Variants in CATSPERE observed in about 807,000 individuals in gnomAD.
CATSPERE encodes the protein catsper channel auxiliary subunit epsilon.
Under a neutral mutation model 114.1 loss-of-function variants are expected in CATSPERE, and 93 were observed. That is an observed-to-expected ratio of 0.81 (90% confidence interval 0.69 to 0.97). The LOEUF is 0.97. Ranked by LOEUF, CATSPERE falls within the 50% of genes least tolerant of loss-of-function variation. CATSPERE has a pLI of 0.00. For missense variants in CATSPERE, 1,058 were observed against 1,131.6 expected (o/e 0.93, Z 0.93); for synonymous variants, 341 against 384.1 (o/e 0.89, Z 1.31).
At chr1:244,491,399 G>C (rs1450190707) in intron 6 of CATSPERE, among the ~76,000 whole-genome samples, 1 of 151,738 alleles carries the variant, frequency 6.6e-6, no homozygotes, top group African/African-American at 2.4e-5. Flanking sequence ...AAACCAACGA[G>C]AACAAAGACA....
chr1:244,575,007 C>T lies in CATSPERE; in HGVS notation c.1950+2235C>T, dbSNP rs779928904. On this transcript the variant is annotated intron_variant, in intron 11 of 21. Coordinates refer to ENST00000366534, the MANE Select transcript of CATSPERE (RefSeq NM_001130957.2). The surrounding 1 kb of genome is among the most constrained non-coding windows in gnomAD (Gnocchi z 4.5). ...CTGATCTCTGTCTCTTTCAGTCTCT[C>T]GCTCACTTATTCTCTCCCTCTATCT... Among the ~76,000 whole-genome samples, 11 of 152,132 alleles carry T rather than the reference C, an allele frequency of 7.2e-5. No individual in the cohort carries two copies. Among genetic ancestry groups the T allele is most frequent in the Non-Finnish European group, 1.0e-4 (7 of 68,028 alleles).
chr1:244,621,061 A>AATATAT (rs1289156688), intron 20 of CATSPERE, among the ~76,000 whole-genome samples: 1 of 57,136 alleles, frequency 1.8e-5, no homozygotes, highest in South Asian at 5.0e-4. Flanking sequence ...AATATATATA[A>AATATAT]ATATATATAA....
chr1:244,591,309 A>G (rs1171214679), intron 14 of CATSPERE, among the ~76,000 whole-genome samples: 6 of 149,350 alleles, frequency 4.0e-5, no homozygotes, highest in Non-Finnish European at 7.4e-5. Flanking sequence ...CAAGAATACA[A>G]TATATCATGA....
chr1:244,489,090 A>G (rs541570053), intron 5 of CATSPERE, among the ~76,000 whole-genome samples: 9 of 152,208 alleles, frequency 5.9e-5, no homozygotes, highest in Non-Finnish European at 1.2e-4. Context: ...TTTCTAGAAA[A>G]CATACAACTA....
At chr1:244,542,927 C>A (rs1347171570) in intron 8 of CATSPERE, among the ~76,000 whole-genome samples, 1 of 152,086 alleles carries the variant, frequency 6.6e-6, no homozygotes, top group African/African-American at 2.4e-5. Flanking sequence ...CACCTCATAC[C>A]TATTAGAGTG....
intron 5 of CATSPERE, among the ~76,000 whole-genome samples, chr1:244,482,862 T>C (rs1670473841): frequency 6.6e-6 from 1 of 152,230 alleles, no homozygotes; most frequent in South Asian, 2.1e-4. Flanking sequence ...CTTTTTTCTT[T>C]TAGTTTAGCG....
intron 11 of CATSPERE, among the ~76,000 whole-genome samples, chr1:244,576,943 T>G (rs1354656605): frequency 6.6e-6 from 1 of 152,176 alleles, no homozygotes; most frequent in Non-Finnish European, 1.5e-5. Context: ...ATGAACATAC[T>G]TTTCATATAG....
chr1:244,605,616 C>T, intron 17 of CATSPERE, 79 bp from the exon 18 acceptor site: 2 of 894,040 alleles, frequency 2.2e-6, no homozygotes, highest in Non-Finnish European at 3.6e-6. Context: ...AACCTAAGCA[C>T]TTCTGACTCA....
chr1:244,562,930 T>C (rs1015761758), intron 10 of CATSPERE, among the ~76,000 whole-genome samples: 1 of 152,076 alleles, frequency 6.6e-6, no homozygotes, highest in African/African-American at 2.4e-5. Flanking sequence ...TTCCCCTCCC[T>C]GTGTTGATGT....
At chr1:244,571,188 T>C (rs1664401521) in intron 10 of CATSPERE, among the ~76,000 whole-genome samples, 1 of 152,230 alleles carries the variant, frequency 6.6e-6, no homozygotes, top group Non-Finnish European at 1.5e-5. Flanking sequence ...CTACTGCATA[T>C]ATTTCTGATT....
upstream of CATSPERE, chr1:244,452,065 TGGTGGCGGCAACG>T (rs1231851690): frequency 1.1e-4 from 39 of 341,472 alleles, no homozygotes; most frequent in Middle Eastern, 1.6e-3. Context: ...GAAGAGGCCC[TGGTGGCGGCAACG>T]GCCGCCACCC....
intron 8 of CATSPERE, among the ~76,000 whole-genome samples, chr1:244,539,495 G>A (rs2148450716): frequency 8.7e-6 from 1 of 114,760 alleles, no homozygotes; most frequent in South Asian, 3.7e-4. Context: ...CATAAAGTGA[G>A]TTAGGGAGGA....
intron 5 of CATSPERE, 47 bp from the exon 6 acceptor site, chr1:244,490,400 G>GT: frequency 7.4e-7 from 1 of 1,355,958 alleles, no homozygotes; most frequent in Admixed American, 1.8e-5. Flanking sequence ...TCGACCTAAT[G>GT]TTTAACAGGC....
intron 17 of CATSPERE, among the ~76,000 whole-genome samples, chr1:244,601,028 GA>G (rs1669132723): frequency 6.6e-6 from 1 of 151,892 alleles, no homozygotes; most frequent in Admixed American, 6.6e-5. Context: ...GAATAAAGAG[GA>G]AAAATAAAAT....
Position 244,461,320 on chromosome 1 carries a change from G to A in CATSPERE, c.-110G>A, listed in dbSNP as rs1666713824. The A allele has an allele frequency of 1.3e-5, 12 of 949,938 alleles. No homozygotes were observed. Among genetic ancestry groups the A allele is most frequent in the Non-Finnish European group, 1.7e-5 (12 of 718,644 alleles). The allele number at this position is 949,938 out of a possible 1,614,324, so 58.8% of individuals were successfully genotyped here. A position where few individuals can be genotyped will look rare whatever the true frequency, so the allele number is the denominator to read the frequency against. The stretch of plus-strand genomic sequence containing the variant: ...CAGGCCCGGCCCGCCCTGTCCAGAG[G>A]CGCCGGGACCCAGGCGCCTGCAGCC... On this transcript the variant is annotated 5_prime_UTR_variant, in exon 1 of 22. Transcript: ENST00000366534.
chr1:244,594,929 C>T (rs555854621), intron 17 of CATSPERE, among the ~76,000 whole-genome samples: 1 of 152,230 alleles, frequency 6.6e-6, no homozygotes, highest in African/African-American at 2.4e-5. Context: ...AGCTAATCTG[C>T]TTGCTTTCTT....
intron 20 of CATSPERE, among the ~76,000 whole-genome samples, chr1:244,626,485 CAAAAAAAAAAA>C (rs35687880): frequency 9.0e-5 from 6 of 66,878 alleles, no homozygotes; most frequent in South Asian, 5.8e-4. Context: ...AATTCCATCT[CAAAAAAAAAAA>C]AAAAAAAAAA....
At position 244,497,543 on chromosome 1, in the gene CATSPERE, T is replaced by C. The variant is rs557120750; in HGVS notation, c.352-1459T>C. Among the ~76,000 whole-genome samples the C allele has an allele frequency of 4.6e-5, 7 of 152,322 alleles. 1 individual carries two copies. In the South Asian group the frequency reaches 1.5e-3, roughly 32 times the overall value. The stretch of plus-strand genomic sequence containing the variant: ...TGGATATGCTGGCTCATGCCTGTAA[T>C]CCCAGCACTTTGGGAGGCCGAGGCA... On this transcript the variant is annotated intron_variant, in intron 6 of 21. Coordinates refer to ENST00000366534, the MANE Select transcript of CATSPERE (RefSeq NM_001130957.2).
chr1:244,540,369 C>CAAAA (rs1252426820), intron 8 of CATSPERE, among the ~76,000 whole-genome samples: 1 of 58,322 alleles, frequency 1.7e-5, no homozygotes. Context: ...CAATAACAGA[C>CAAAA]AGAGAGCCAA....
Sources: allele counts gnomAD v4.1 joint callset (sites outside exome capture counted in the v4.1 genomes callset), GRCh38; gene constraint gnomAD v4.1.1; non-coding constraint Gnocchi (gnomAD v3.1); transcripts MANE v1.5; gene names NCBI Gene and HGNC (gene_info 2026-07-23, HGNC 2026-07-21).